DGKG: variants seen among roughly 807,000 people sequenced by gnomAD.
The protein encoded by DGKG is DAG kinase gamma.
DGKG carries 78 observed loss-of-function variants against 105.3 expected under a neutral mutation model. That is an observed-to-expected ratio of 0.74 (90% CI 0.62 to 0.89). The LOEUF (loss-of-function observed/expected upper bound fraction) is 0.89. Ranked by LOEUF, DGKG falls within the 40% of genes least tolerant of loss-of-function variation. The pLI is 0.00. For missense variants in DGKG, 958 were observed against 1,020.1 expected, an observed-to-expected ratio of 0.94 and a Z score of 0.83; for synonymous variants, 346 against 367.1, an observed-to-expected ratio of 0.94 and a Z score of 0.66.
intron 20 of DGKG, among the ~76,000 whole-genome samples, chr3:186,225,012 G>A (rs1719781458): frequency 6.6e-6 from 1 of 151,576 alleles, no homozygotes; most frequent in Non-Finnish European, 1.5e-5. Flanking sequence ...ATTAATCAGA[G>A]TGACTTCTCT....
chr3:186,317,640 T>A (rs1278707778), intron 2 of DGKG, among the ~76,000 whole-genome samples: 6 of 152,128 alleles, frequency 3.9e-5, no homozygotes, highest in African/African-American at 1.4e-4. Flanking sequence ...CGGAATGCCC[T>A]TCTCCCTCCC....
chr3:186,182,141 G>A (rs1578631662), intron 22 of DGKG, among the ~76,000 whole-genome samples: 1 of 152,312 alleles, frequency 6.6e-6, no homozygotes, highest in East Asian at 1.9e-4. Flanking sequence ...ACTCCACATG[G>A]GCAGCAATAG....
intron 21 of DGKG, among the ~76,000 whole-genome samples, chr3:186,198,286 A>C (rs1239330505): frequency 6.6e-6 from 1 of 152,202 alleles, no homozygotes; most frequent in East Asian, 1.9e-4. Context: ...AGGTTAATCC[A>C]AGTCTCCATC....
intron 6 of DGKG, among the ~76,000 whole-genome samples, chr3:186,288,206 G>T (rs914083940): frequency 2.6e-5 from 4 of 152,038 alleles, no homozygotes; most frequent in Non-Finnish European, 5.9e-5. Flanking sequence ...ATCTTGGGGT[G>T]GCGGGGGGGC....
At chr3:186,222,847 G>A (rs1400826668) in intron 20 of DGKG, among the ~76,000 whole-genome samples, 8 of 150,790 alleles carry the variant, frequency 5.3e-5, no homozygotes, top group African/African-American at 7.3e-5. Flanking sequence ...GCGTGGTGGC[G>A]GGTGCATGTA....
chr3:186,224,631 T>A (rs1719760938), intron 20 of DGKG, among the ~76,000 whole-genome samples: 3 of 152,164 alleles, frequency 2.0e-5, no homozygotes, highest in Admixed American at 2.0e-4. Context: ...TTTTGCATGA[T>A]CTCAGCAGGT....
intron 15 of DGKG, among the ~76,000 whole-genome samples, chr3:186,260,718 A>T (rs1325898572): frequency 3.3e-5 from 5 of 152,286 alleles, no homozygotes; most frequent in East Asian, 3.9e-4. Context: ...TCCCGGTTCA[A>T]GGCTGAACTA....
intron 21 of DGKG, among the ~76,000 whole-genome samples, chr3:186,205,276 A>C (rs77181340): frequency 6.6e-6 from 1 of 151,442 alleles, no homozygotes; most frequent in Non-Finnish European, 1.5e-5. Flanking sequence ...AAAAAAAAAA[A>C]AAAAAGTGAC....
intron 1 of DGKG, among the ~76,000 whole-genome samples, chr3:186,343,141 A>T (rs1726162643): frequency 6.6e-6 from 1 of 152,234 alleles, no homozygotes. Flanking sequence ...ATAAGAGCAA[A>T]GAACAGCTTA....
At chr3:186,220,531 A>G (rs1207287188) in intron 20 of DGKG, among the ~76,000 whole-genome samples, 2 of 152,202 alleles carry the variant, frequency 1.3e-5, no homozygotes, top group African/African-American at 4.8e-5. Flanking sequence ...GGAAAAGTCA[A>G]CCGAAGTCAC....
intron 1 of DGKG, among the ~76,000 whole-genome samples, chr3:186,322,527 CAT>C (rs757907986): frequency 6.6e-6 from 1 of 152,102 alleles, no homozygotes; most frequent in Non-Finnish European, 1.5e-5. Context: ...ACCCCCGTGA[CAT>C]GTGATTTACC....
intron 22 of DGKG, among the ~76,000 whole-genome samples, chr3:186,169,243 G>A (rs980439868): frequency 6.6e-6 from 1 of 152,098 alleles, no homozygotes; most frequent in African/African-American, 2.4e-5. Flanking sequence ...TGTGAAGGCA[G>A]GATATAAACT....
intron 10 of DGKG, among the ~76,000 whole-genome samples, chr3:186,272,839 C>T (rs1443503005): frequency 2.0e-5 from 3 of 152,158 alleles, no homozygotes; most frequent in African/African-American, 7.2e-5. Context: ...CTGCCTCAGC[C>T]TCCCGAGTTG....
At chr3:186,190,657 C>A (rs970911932) in intron 21 of DGKG, among the ~76,000 whole-genome samples, 1 of 152,164 alleles carries the variant, frequency 6.6e-6, no homozygotes, top group Non-Finnish European at 1.5e-5. Flanking sequence ...CATTCTGAAC[C>A]TGTGTAGATT....
intron 16 of DGKG, among the ~76,000 whole-genome samples, chr3:186,260,105 C>T (rs1721690196): frequency 6.6e-6 from 1 of 152,216 alleles, no homozygotes; most frequent in Admixed American, 6.5e-5. Context: ...AAGACACCAG[C>T]TAACAGAGCC....
At chr3:186,298,343 T>G in intron 3 of DGKG, 114 bp from the exon 4 acceptor site, 2 of 1,011,284 alleles carry the variant, frequency 2.0e-6, no homozygotes, top group Non-Finnish European at 2.8e-6. Context: ...AGGGAGGCAG[T>G]AGGACATGGA....
At chr3:186,190,597 T>C (rs1341142622) in intron 21 of DGKG, among the ~76,000 whole-genome samples, 2 of 152,222 alleles carry the variant, frequency 1.3e-5, no homozygotes, top group Non-Finnish European at 2.9e-5. Context: ...TGGGTGGTCA[T>C]CTTCATTGCC....
rs112047120 is a variant in DGKG at position 186,149,984 on chromosome 3, ATG to A, written c.*104_*105del. 4,503 of 1,324,756 alleles carry A rather than the reference ATG, an allele frequency of 3.4e-3. No individual in the cohort carries two copies. Among genetic ancestry groups the A allele is most frequent in the Admixed American group, 8.7e-3 (297 of 34,080 alleles). 82.1% of individuals were successfully genotyped at this position (1,324,756 alleles called of 1,614,324 possible). On this transcript the variant is annotated 3_prime_UTR_variant, in exon 25 of 25. Coordinates refer to ENST00000265022, the MANE Select transcript of DGKG (RefSeq NM_001346.3). ...TTCCACTGGTTAGAGAAGAGTGTGT[ATG>A]TGTGTGTGTGTGTGCATGTGTGAGT... is the stretch of plus-strand genomic sequence containing the variant.
In DGKG at chr3:186,320,546, A is replaced by G. The variant is rs1725029735; in HGVS notation, c.-87T>C. ...GGAGGCCCAGCCCAGGGCCTGGCTC[A>G]TTGCAGGTTTGCGATGTAAGCCTTT... On this transcript the variant is annotated 5_prime_UTR_variant, in exon 2 of 25. An upstream start codon of the reference 5' UTR is lost. Transcript: ENST00000265022. 6.2e-7 allele frequency: 1 copy of G among 1,606,298 alleles called. No individual in the cohort carries two copies. Among genetic ancestry groups the G allele is most frequent in the African/African-American group, 1.3e-5 (1 of 74,718 alleles).
Sources: allele counts gnomAD v4.1 joint callset (sites outside exome capture counted in the v4.1 genomes callset), GRCh38; gene constraint gnomAD v4.1.1; transcripts MANE v1.5; gene names NCBI Gene and HGNC (gene_info 2026-07-23, HGNC 2026-07-21).